The following ANKFN1 variants were observed in gnomAD, a reference collection of about 807,000 sequenced individuals.
The protein encoded by ANKFN1 is ankyrin repeat and fibronectin type III domain containing 1, also known as ankyrin repeat and fibronectin type-III domain-containing protein 1.
Under a neutral mutation model 108.7 loss-of-function variants are expected in ANKFN1, and 74 were observed. The ratio of observed to expected loss-of-function variants is 0.68; its 90% confidence interval spans 0.56 to 0.83. The LOEUF (loss-of-function observed/expected upper bound fraction) is 0.83. Among genes scored for constraint, ANKFN1 ranks in the 40% least tolerant of loss-of-function variants. ANKFN1 has a pLI of 0.00. For missense variants in ANKFN1, 1,505 were observed against 1,382.3 expected, an observed-to-expected ratio of 1.09 and a Z score of -1.41; for synonymous variants, 547 against 516.2, an observed-to-expected ratio of 1.06 and a Z score of -0.81.
intron 1 of ANKFN1, among the ~76,000 whole-genome samples, chr17:56,177,388 G>A (rs1911270444): frequency 6.6e-6 from 1 of 152,208 alleles, no homozygotes; most frequent in Non-Finnish European, 1.5e-5. Flanking sequence ...TTTCCATGAT[G>A]CATATGTGTG....
At chr17:56,098,363 G>C (rs1368491270) in intron 4 of ANKFN1, among the ~76,000 whole-genome samples, 1 of 152,026 alleles carries the variant, frequency 6.6e-6, no homozygotes, top group Non-Finnish European at 1.5e-5. Flanking sequence ...ATCTCAGGGA[G>C]ATGTCTTTTG....
At chr17:56,456,353 A>G (rs913439899) in intron 11 of ANKFN1, among the ~76,000 whole-genome samples, 5 of 149,790 alleles carry the variant, frequency 3.3e-5, no homozygotes, top group African/African-American at 1.2e-4. Context: ...GGAGTTGTTC[A>G]TTGAGTTAAC....
chr17:56,229,830 C>T (rs1598276298), intron 3 of ANKFN1, among the ~76,000 whole-genome samples: 1 of 151,816 alleles, frequency 6.6e-6, no homozygotes, highest in African/African-American at 2.4e-5. Flanking sequence ...AGGAAGCTTG[C>T]ACTGGGATTA....
At chr17:56,457,007 G>A (rs774760729) in intron 12 of ANKFN1, 47 bp downstream of exon 12, 1 of 1,548,926 alleles carries the variant, frequency 6.5e-7, no homozygotes. Flanking sequence ...TTTCAAGAAT[G>A]CACTGGTTTT....
chr17:56,108,826 T>C (rs1905801564), intron 4 of ANKFN1, among the ~76,000 whole-genome samples: 1 of 152,244 alleles, frequency 6.6e-6, no homozygotes, highest in Non-Finnish European at 1.5e-5. Context: ...CCATCTTGCT[T>C]TATAAGCTGA....
chr17:56,394,348 A>G (rs2047519037), intron 8 of ANKFN1, among the ~76,000 whole-genome samples: 1 of 152,168 alleles, frequency 6.6e-6, no homozygotes, highest in Non-Finnish European at 1.5e-5. Flanking sequence ...AACTTAGTAG[A>G]GCAGCTTATT....
chr17:56,365,879 T>G (rs994689357), intron 6 of ANKFN1, among the ~76,000 whole-genome samples: 1 of 152,252 alleles, frequency 6.6e-6, no homozygotes, highest in Non-Finnish European at 1.5e-5. Flanking sequence ...TACTGTTTCA[T>G]GTATTTACTA....
At chr17:56,173,129 T>C (rs975599449) in intron 1 of ANKFN1, among the ~76,000 whole-genome samples, 2 of 152,222 alleles carry the variant, frequency 1.3e-5, no homozygotes, top group Non-Finnish European at 2.9e-5. Context: ...AATTGTAGTT[T>C]TAGAATGATG....
At chr17:56,218,908 T>C (rs1174189883) in intron 2 of ANKFN1, among the ~76,000 whole-genome samples, 1 of 152,214 alleles carries the variant, frequency 6.6e-6, no homozygotes. Flanking sequence ...CATCTTTTTT[T>C]GGAAAATTTT....
intron 4 of ANKFN1, among the ~76,000 whole-genome samples, chr17:56,138,497 AT>A (rs201244500): frequency 1.9e-4 from 26 of 140,418 alleles, no homozygotes; most frequent in Admixed American, 1.1e-3. Flanking sequence ...AAAACTCAAC[AT>A]TTTTTTTTCT....
intron 3 of ANKFN1, among the ~76,000 whole-genome samples, chr17:56,324,393 A>G (rs2144524925): frequency 6.6e-6 from 1 of 152,226 alleles, no homozygotes; most frequent in East Asian, 1.9e-4. Context: ...GGGCTTTTTG[A>G]CTCAACTTGA....
chr17:56,078,090 G>C (rs114962962), intron 4 of ANKFN1, among the ~76,000 whole-genome samples: 1 of 152,080 alleles, frequency 6.6e-6, no homozygotes, highest in Non-Finnish European at 1.5e-5. Flanking sequence ...GATTCAAATT[G>C]CATACTCTGT....
chr17:56,193,023 C>T (rs1405754518), intron 1 of ANKFN1, among the ~76,000 whole-genome samples: 5 of 131,196 alleles, frequency 3.8e-5, no homozygotes, highest in Admixed American at 1.6e-4. Flanking sequence ...AAATGATAGA[C>T]TGGATTAAGA....
intron 4 of ANKFN1, among the ~76,000 whole-genome samples, chr17:56,101,796 C>G (rs963880592): frequency 6.6e-6 from 1 of 152,058 alleles, no homozygotes; most frequent in Admixed American, 6.5e-5. Context: ...ACATGTTGAC[C>G]AGTCTCTTGC....
At chr17:56,298,841 G>A (rs941468399) in intron 3 of ANKFN1, among the ~76,000 whole-genome samples, 1 of 152,162 alleles carries the variant, frequency 6.6e-6, no homozygotes, top group Non-Finnish European at 1.5e-5. Context: ...CTAATTTCAA[G>A]AGTTCATTTA....
At chr17:56,203,916 T>G (rs1914278691) in intron 1 of ANKFN1, among the ~76,000 whole-genome samples, 1 of 152,198 alleles carries the variant, frequency 6.6e-6, no homozygotes, top group Non-Finnish European at 1.5e-5. Context: ...GGATATAAAT[T>G]GGGAGGAAGA....
At position 56,478,901 on chromosome 17, in the gene ANKFN1, A is replaced by G. The variant is rs1006296261; in HGVS notation, c.1940+1247A>G. ...AAAGTGGCAAGACTTTATCAACTCT[A>G]ATGTCTCACTAGGTTTCTTAAGTAT... On this transcript the variant is annotated intron_variant, in intron 16 of 20. Transcript: ENST00000682825. Among the ~76,000 whole-genome samples, 10 of 152,130 alleles carry G rather than the reference A, an allele frequency of 6.6e-5. No individual in the cohort carries two copies. The South Asian group carries it at 2.1e-3, about 32-fold the overall frequency.
chr17:56,200,665 A>T (rs988546598), intron 1 of ANKFN1, among the ~76,000 whole-genome samples: 5 of 152,182 alleles, frequency 3.3e-5, no homozygotes, highest in Non-Finnish European at 5.9e-5. Context: ...CTTCAAGACC[A>T]GCGTCCCAAT....
chr17:56,308,034 C>G lies in ANKFN1; in HGVS notation c.54-18187C>G, dbSNP rs147062071. Among the ~76,000 whole-genome samples the G allele has an allele frequency of 2.4e-3, 366 of 152,104 alleles. 1 individual carries two copies. Among genetic ancestry groups the G allele is most frequent in the African/African-American group, 8.3e-3 (343 of 41,476 alleles). Reference sequence around the variant, plus strand: ...TTCTCACTCATAGGTGGGAATTGAACAATGAGAACACATGGACGCAGGAAG... The same window carrying G: ...TTCTCACTCATAGGTGGGAATTGAAGAATGAGAACACATGGACGCAGGAAG... On this transcript the variant is annotated intron_variant, in intron 3 of 20. Coordinates refer to ENST00000682825, the MANE Select transcript of ANKFN1 (RefSeq NM_001370326.1).
Sources: allele counts gnomAD v4.1 joint callset (sites outside exome capture counted in the v4.1 genomes callset), GRCh38; gene constraint gnomAD v4.1.1; transcripts MANE v1.5; gene names NCBI Gene and HGNC (gene_info 2026-07-23, HGNC 2026-07-21).